SUPT3H: variants seen among roughly 807,000 people sequenced by gnomAD.
The protein encoded by SUPT3H is SPT3 homolog, SAGA and STAGA complex component, also known as transcription initiation protein SPT3 homolog.
Under a neutral mutation model 44.3 loss-of-function variants are expected in SUPT3H, and 44 were observed. That is an observed-to-expected ratio of 0.99 (90% confidence interval 0.78 to 1.28). The LOEUF is 1.28. Ranked by LOEUF, SUPT3H falls within the 50% of genes most tolerant of loss-of-function variation. The pLI is 0.00. For synonymous variants in SUPT3H, 124 were observed against 125.6 expected (o/e 0.99, Z 0.09); for missense variants, 380 against 387.1 (o/e 0.98, Z 0.15).
chr6:44,990,608 G>A (rs758106708), intron 6 of SUPT3H, among the ~76,000 whole-genome samples: 49 of 152,086 alleles, frequency 3.2e-4, no homozygotes, highest in Non-Finnish European at 5.3e-4. Context: ...ATTGGATCAT[G>A]GGGGCAAGCC....
chr6:45,027,195 T>C (rs543638290), intron 3 of SUPT3H, among the ~76,000 whole-genome samples: 1 of 152,108 alleles, frequency 6.6e-6, no homozygotes, highest in East Asian at 1.9e-4. Context: ...TCTGCCACGT[T>C]GACCAGGCTG....
intron 2 of SUPT3H, among the ~76,000 whole-genome samples, chr6:45,291,980 A>G (rs1780380096): frequency 6.6e-6 from 1 of 152,206 alleles, no homozygotes; most frequent in Non-Finnish European, 1.5e-5. Context: ...GCCTAGGCAC[A>G]CTGACATCAG....
At chr6:45,107,811 C>A (rs145719892) in intron 2 of SUPT3H, among the ~76,000 whole-genome samples, 200 of 152,298 alleles carry the variant, frequency 1.3e-3, no homozygotes, top group African/African-American at 4.6e-3. Context: ...GACCAACAAA[C>A]TGCAGAATCA....
chr6:45,282,522 G>C (rs188999345), intron 2 of SUPT3H, among the ~76,000 whole-genome samples: 2 of 152,128 alleles, frequency 1.3e-5, no homozygotes, highest in African/African-American at 4.8e-5. Flanking sequence ...GAAGTGAGAA[G>C]AGAAGTTTCG....
At position 45,142,593 on chromosome 6, in the gene SUPT3H, G is replaced by A. The variant is rs144871895; in HGVS notation, c.102-36587C>T. Among the ~76,000 whole-genome samples, 701 of 151,730 alleles carry A rather than the reference G, an allele frequency of 4.6e-3. 6 individuals carry two copies. The highest frequency in any genetic ancestry group is 0.016 in the African/African-American group (656 of 41,390). ...CTCTACTAAAAATACAAAATTAGTCGGGTGTGGTGGTGCATGCCTGTAATC... is the reference window on the plus strand; with the variant it reads ...CTCTACTAAAAATACAAAATTAGTCAGGTGTGGTGGTGCATGCCTGTAATC... On this transcript the variant is annotated intron_variant, in intron 2 of 10. Coordinates refer to ENST00000371459, the MANE Select transcript of SUPT3H (RefSeq NM_003599.4).
intron 10 of SUPT3H, among the ~76,000 whole-genome samples, chr6:44,849,635 A>T (rs1038201499): frequency 3.9e-5 from 6 of 152,206 alleles, no homozygotes; most frequent in Non-Finnish European, 7.3e-5. Flanking sequence ...TTGCAGGAAG[A>T]CAAGGACAGA....
intron 1 of SUPT3H, among the ~76,000 whole-genome samples, chr6:45,373,173 C>T (rs1796326952): frequency 6.6e-6 from 1 of 151,992 alleles, no homozygotes; most frequent in African/African-American, 2.4e-5. Flanking sequence ...CACTCTTAGG[C>T]TCAAGCAACC....
intron 6 of SUPT3H, among the ~76,000 whole-genome samples, chr6:44,987,899 A>G (rs1780040936): frequency 6.6e-6 from 1 of 152,102 alleles, no homozygotes; most frequent in Admixed American, 6.6e-5. Flanking sequence ...GAAGAGAGGA[A>G]AAGGTTTAAA....
At chr6:45,174,694 TAA>T (rs1342098608) in intron 2 of SUPT3H, among the ~76,000 whole-genome samples, 6 of 152,100 alleles carry the variant, frequency 3.9e-5, no homozygotes, top group Admixed American at 6.6e-5. Context: ...GCAACATCTA[TAA>T]AAAAGTTTTA....
chr6:45,303,838 C>T (rs372057797), intron 2 of SUPT3H, among the ~76,000 whole-genome samples: 1 of 151,776 alleles, frequency 6.6e-6, no homozygotes, highest in African/African-American at 2.4e-5. Flanking sequence ...AATAAAAATA[C>T]AAAAATTAGC....
chr6:45,188,156 T>C (rs546747213), intron 2 of SUPT3H, among the ~76,000 whole-genome samples: 1 of 152,366 alleles, frequency 6.6e-6, no homozygotes, highest in East Asian at 1.9e-4. Context: ...ATCCTTATAT[T>C]ATTTAATAAT....
intron 2 of SUPT3H, among the ~76,000 whole-genome samples, chr6:45,255,151 T>C (rs780765481): frequency 1.2e-4 from 18 of 152,134 alleles, no homozygotes; most frequent in Non-Finnish European, 5.9e-5. Flanking sequence ...TTATCAAAGG[T>C]ATATCTGTAT....
At chr6:45,344,829 C>CTTA in intron 2 of SUPT3H, among the ~76,000 whole-genome samples, 1 of 151,974 alleles carries the variant, frequency 6.6e-6, no homozygotes, top group African/African-American at 2.4e-5. Context: ...TGCAGTAAGC[C>CTTA]AAGATTCAGA....
intron 10 of SUPT3H, among the ~76,000 whole-genome samples, chr6:44,846,052 A>G (rs1373265731): frequency 6.6e-6 from 1 of 152,160 alleles, no homozygotes; most frequent in Admixed American, 6.5e-5. Flanking sequence ...AGACACTGCC[A>G]TGGGGTCAGA....
intron 10 of SUPT3H, among the ~76,000 whole-genome samples, chr6:44,858,521 G>A (rs977404339): frequency 3.3e-5 from 5 of 152,072 alleles, no homozygotes; most frequent in African/African-American, 2.4e-5. Context: ...TTATATGCTC[G>A]GAGCAAAGGT....
At chr6:45,162,012 A>G (rs1036611171) in intron 2 of SUPT3H, among the ~76,000 whole-genome samples, 2 of 149,166 alleles carry the variant, frequency 1.3e-5, no homozygotes, top group Admixed American at 6.8e-5. Context: ...AGGAATGTGT[A>G]TAACTCTTCA....
At chr6:45,212,479 C>CTGTGTGTG (rs1484879670) in intron 2 of SUPT3H, among the ~76,000 whole-genome samples, 21 of 139,846 alleles carry the variant, frequency 1.5e-4, no homozygotes, top group South Asian at 4.7e-4. Context: ...TCCACCTCCA[C>CTGTGTGTG]TATGTGTGTG....
intron 3 of SUPT3H, among the ~76,000 whole-genome samples, chr6:45,026,779 G>T (rs1445930574): frequency 1.3e-5 from 2 of 152,004 alleles, no homozygotes; most frequent in African/African-American, 4.8e-5. Flanking sequence ...AAAAGATTTA[G>T]TGTTCTTAGA....
At chr6:45,117,937 A>T (rs1179959960) in intron 2 of SUPT3H, among the ~76,000 whole-genome samples, 4 of 152,102 alleles carry the variant, frequency 2.6e-5, no homozygotes, top group African/African-American at 9.7e-5. Context: ...TCCTCAAATA[A>T]AAATGAAATT....
Sources: allele counts gnomAD v4.1 joint callset (sites outside exome capture counted in the v4.1 genomes callset), GRCh38; gene constraint gnomAD v4.1.1; transcripts MANE v1.5; gene names NCBI Gene and HGNC (gene_info 2026-07-23, HGNC 2026-07-21).